Variants in AFF2 observed in about 807,000 individuals in gnomAD.
AFF2 encodes the protein AF4/FMR2 family member 2.
Under a neutral mutation model 76.9 loss-of-function variants are expected in AFF2, and 14 were observed. That is an observed-to-expected ratio of 0.18 (90% CI 0.12 to 0.28). The LOEUF (loss-of-function observed/expected upper bound fraction) is 0.28, where lower values mean the gene tolerates loss of function less well. Among genes scored for constraint, AFF2 ranks in the 10% least tolerant of loss-of-function variants. The probability of loss-of-function intolerance (pLI) is 1.00; values close to 1 mark genes in which losing one functional copy is unlikely to be tolerated. For synonymous variants in AFF2, 398 were observed against 366.7 expected (o/e 1.09, Z -0.98); for missense variants, 868 against 1,001.1 (o/e 0.87, Z 1.79).
At chrX:148,686,237 A>G (rs961579473) in intron 3 of AFF2, among the ~76,000 whole-genome samples, 17 of 111,938 alleles carry the variant, frequency 1.5e-4, no homozygotes, top group African/African-American at 5.5e-4. Flanking sequence ...TATATATTTG[A>G]GACAATCCAG....
chrX:148,527,408 A>G (rs1557235347), intron 1 of AFF2, among the ~76,000 whole-genome samples: 1 of 112,349 alleles, frequency 8.9e-6, no homozygotes, highest in African/African-American at 3.2e-5. Context: ...CAAGGCATGA[A>G]TTTAGATTGG....
At chrX:148,829,723 C>A (rs2070430456) in intron 4 of AFF2, among the ~76,000 whole-genome samples, 1 of 112,220 alleles carries the variant, frequency 8.9e-6, no homozygotes, top group Admixed American at 9.4e-5. Context: ...ACTCCGCCAC[C>A]TTTTAGGAAT....
rs1557257351 is a variant in AFF2 at position 148,658,084 on chromosome X, C to T, written c.181-3824C>T. On this transcript the variant is annotated intron_variant, in intron 2 of 20. Transcript: ENST00000370460. ...GTGGTGGGAAGGTAGAGTGCTTACT[C>T]TGGCGACCTGGACTGGACTACTAAT... 3.6e-5 allele frequency among the ~76,000 whole-genome samples: 4 copies of T among 111,865 alleles called. No individual in the cohort carries two copies. In the South Asian group the frequency reaches 1.5e-3, roughly 42 times the overall value.
intron 15 of AFF2, among the ~76,000 whole-genome samples, chrX:148,971,747 C>CTTTTTTTTTTTTTTTTTTTTTAT (rs2072257860): frequency 1.3e-4 from 6 of 44,731 alleles, no homozygotes; most frequent in Admixed American, 3.3e-4. Context: ...TTTTCTATTT[C>CTTTTTTTTTTTTTTTTTTTTTAT]TTTTTTTTTT....
In AFF2 at chrX:148,994,695, T is replaced by C. The variant is rs2072573700; in HGVS notation, c.*3363T>C. 8.9e-6 allele frequency: 1 copy of C among 112,390 alleles called. No homozygotes were observed. Among genetic ancestry groups the C allele is most frequent in the African/African-American group, 3.2e-5 (1 of 30,901 alleles). The allele number at this position is 112,390 out of a possible 1,213,427, so 9.3% of individuals were successfully genotyped here. On this transcript the variant is annotated 3_prime_UTR_variant, in exon 21 of 21. Coordinates refer to ENST00000370460, the MANE Select transcript of AFF2 (RefSeq NM_002025.4). The stretch of plus-strand genomic sequence containing the variant: ...ACATTACATCACTAAATTCATTAGA[T>C]TTTGTCTGCATTGGAAAGATACTCT...
At chrX:148,918,923 A>G (rs1462657536) in intron 9 of AFF2, among the ~76,000 whole-genome samples, 7 of 112,089 alleles carry the variant, frequency 6.2e-5, no homozygotes, top group African/African-American at 2.3e-4. Context: ...AATAAGAAGG[A>G]GAGAAACGAA....
chrX:148,895,195 G>T (rs1438000607), intron 8 of AFF2, among the ~76,000 whole-genome samples: 1 of 111,233 alleles, frequency 9.0e-6, no homozygotes, highest in Non-Finnish European at 1.9e-5. Context: ...TACTGGGGGG[G>T]CCAGCAAGCC....
chrX:148,699,351 G>A (rs1199155842), intron 3 of AFF2, among the ~76,000 whole-genome samples: 1 of 112,256 alleles, frequency 8.9e-6, no homozygotes, highest in Non-Finnish European at 1.9e-5. Context: ...TGTTTATGAC[G>A]CCCCTGCCAG....
chrX:148,527,429 C>T, intron 1 of AFF2, among the ~76,000 whole-genome samples: 1 of 111,579 alleles, frequency 9.0e-6, no homozygotes, highest in South Asian at 3.8e-4. Flanking sequence ...ATCTTGGACC[C>T]TTTCTTTCTT....
chrX:148,734,533 A>G (rs782502170), intron 3 of AFF2, among the ~76,000 whole-genome samples: 3 of 111,604 alleles, frequency 2.7e-5, no homozygotes, highest in African/African-American at 9.8e-5. Flanking sequence ...TGACTACTAC[A>G]TTATCTTCCT....
At chrX:148,779,839 T>C (rs1255005931) in intron 3 of AFF2, among the ~76,000 whole-genome samples, 1 of 112,173 alleles carries the variant, frequency 8.9e-6, no homozygotes, top group Non-Finnish European at 1.9e-5. Context: ...TTCTTCATAG[T>C]GTTGATGGTC....
chrX:148,906,864 A>T (rs372723402), intron 9 of AFF2, among the ~76,000 whole-genome samples: 5 of 111,676 alleles, frequency 4.5e-5, no homozygotes, highest in African/African-American at 1.6e-4. Flanking sequence ...TGATCCAGCG[A>T]GGCACCCATT....
intron 8 of AFF2, among the ~76,000 whole-genome samples, chrX:148,903,066 A>G (rs1002749513): frequency 2.7e-5 from 3 of 110,378 alleles, no homozygotes; most frequent in Non-Finnish European, 5.7e-5. Flanking sequence ...CTGTATTCTA[A>G]TTTACAGCAG....
chrX:148,661,726 A>G (rs1457445945), intron 2 of AFF2, among the ~76,000 whole-genome samples, 182 bp from the exon 3 acceptor site: 3 of 111,999 alleles, frequency 2.7e-5, no homozygotes, highest in Non-Finnish European at 3.8e-5. Context: ...AGCTTTTTCA[A>G]TAGTGTTCTT....
Position 148,692,833 on chromosome X carries a change from T to C in AFF2, c.1041+30065T>C, listed in dbSNP as rs1410098187. On this transcript the variant is annotated intron_variant, in intron 3 of 20. Coordinates refer to ENST00000370460, the MANE Select transcript of AFF2 (RefSeq NM_002025.4). ...TGTGGGAAGGTTCTTGGGGAGTGCATTTATGGTCAACACTTGTGAAGGAGT... is the reference window on the plus strand; with the variant it reads ...TGTGGGAAGGTTCTTGGGGAGTGCACTTATGGTCAACACTTGTGAAGGAGT... Among the ~76,000 whole-genome samples, 3 of 111,499 alleles carry C rather than the reference T, an allele frequency of 2.7e-5. No individual in the cohort carries two copies. In the Admixed American group the frequency reaches 2.8e-4, roughly 11 times the overall value.
chrX:148,944,765 C>T (rs781798616), intron 9 of AFF2, among the ~76,000 whole-genome samples: 2 of 110,689 alleles, frequency 1.8e-5, no homozygotes, highest in Admixed American at 9.5e-5. Context: ...ATAGTGTCAC[C>T]TCACCATGTA....
At chrX:148,907,346 T>G (rs1281179969) in intron 9 of AFF2, among the ~76,000 whole-genome samples, 1 of 112,151 alleles carries the variant, frequency 8.9e-6, no homozygotes, top group African/African-American at 3.2e-5. Flanking sequence ...TAGTAGAGTG[T>G]CACCATCATG....
In AFF2 at chrX:148,996,351, G is replaced by C. The variant is rs879989738; in HGVS notation, c.*5019G>C. 4 of 112,833 alleles carry C rather than the reference G, an allele frequency of 3.5e-5. No individual in the cohort carries two copies. Among genetic ancestry groups the C allele is most frequent in the African/African-American group, 1.3e-4 (4 of 31,081 alleles). The allele number at this position is 112,833 out of a possible 1,213,427, so 9.3% of individuals were successfully genotyped here. ...AGCTCGCTGAGAATAGAAAGCACCT[G>C]GTTTGCACCATTTGCCAATTTCCAT... On this transcript the variant is annotated 3_prime_UTR_variant, in exon 21 of 21. Coordinates refer to ENST00000370460, the MANE Select transcript of AFF2 (RefSeq NM_002025.4).
intron 3 of AFF2, among the ~76,000 whole-genome samples, chrX:148,752,888 G>A (rs1239111474): frequency 9.0e-6 from 1 of 111,455 alleles, no homozygotes; most frequent in Admixed American, 9.5e-5. Context: ...TTGAGCAAAG[G>A]GTTCTTAGAC....
Sources: gnomAD v4.1 joint callset for allele counts (sites outside exome capture counted in the v4.1 genomes callset) on GRCh38, gnomAD v4.1.1 for gene constraint, MANE v1.5 for transcripts, NCBI Gene and HGNC (gene_info 2026-07-23, HGNC 2026-07-21) for gene names.